RBFOX1: variants seen among roughly 807,000 people sequenced by gnomAD.
RBFOX1 encodes the protein RNA binding fox-1 homolog 1.
A neutral mutation model predicts 57.7 loss-of-function variants in RBFOX1; 8 were observed. The observed-to-expected ratio is 0.14, with a 90% confidence interval of 0.08 to 0.25. RBFOX1 has a LOEUF of 0.25. Ranked by LOEUF, RBFOX1 falls within the 10% of genes least tolerant of loss-of-function variation. RBFOX1 has a pLI of 1.00. For synonymous variants in RBFOX1, 326 were observed against 222.4 expected, an observed-to-expected ratio of 1.47 and a Z score of -4.15; for missense variants, 611 against 548.5, an observed-to-expected ratio of 1.11 and a Z score of -1.14.
chr16:5,580,775 A>T (rs1487281503), intron 2 of RBFOX1, among the ~76,000 whole-genome samples: 2 of 152,178 alleles, frequency 1.3e-5, no homozygotes, highest in Non-Finnish European at 2.9e-5. Flanking sequence ...AACTGGTGGG[A>T]TTCCAGCGAA....
chr16:7,059,866 T>C (rs1446453307), intron 4 of RBFOX1, among the ~76,000 whole-genome samples: 1 of 152,154 alleles, frequency 6.6e-6, no homozygotes, highest in African/African-American at 2.4e-5. Context: ...TTATGTAAAC[T>C]GATGAAAAAT....
At chr16:7,505,763 A>G (rs546742241) in intron 4 of RBFOX1, among the ~76,000 whole-genome samples, 2 of 152,174 alleles carry the variant, frequency 1.3e-5, no homozygotes, top group African/African-American at 4.8e-5. Flanking sequence ...GTGCTTCCCT[A>G]CTGAGCCGGA....
intron 2 of RBFOX1, among the ~76,000 whole-genome samples, chr16:6,576,276 A>G (rs1337809060): frequency 2.0e-5 from 3 of 152,164 alleles, no homozygotes; most frequent in African/African-American, 7.2e-5. Flanking sequence ...GTGCTGACAC[A>G]CACACTCACT....
chr16:6,335,797 AAAAAGAAAAG>A (rs1241118584), intron 2 of RBFOX1, among the ~76,000 whole-genome samples: 27 of 149,746 alleles, frequency 1.8e-4, no homozygotes, highest in Non-Finnish European at 3.5e-4. Context: ...AAAAGAAAAA[AAAAAGAAAAG>A]AAAAGAAAAG....
At chr16:6,050,384 C>G (rs576229371) in intron 1 of RBFOX1, among the ~76,000 whole-genome samples, 104 of 152,318 alleles carry the variant, frequency 6.8e-4, no homozygotes, top group African/African-American at 2.3e-3. Flanking sequence ...GTATTTCTCA[C>G]AGTCTGGTGT....
At chr16:6,927,722 A>G (rs1050861518) in intron 3 of RBFOX1, among the ~76,000 whole-genome samples, 1 of 151,680 alleles carries the variant, frequency 6.6e-6, no homozygotes, top group Admixed American at 6.6e-5. Flanking sequence ...AAGGCTGATT[A>G]TAAGTCAGTG....
chr16:5,792,549 TATC>T (rs1243795951), intron 3 of RBFOX1, among the ~76,000 whole-genome samples: 94 of 152,326 alleles, frequency 6.2e-4, no homozygotes, highest in African/African-American at 2.2e-3. Context: ...GCATTAAGAA[TATC>T]ATAAATATGG....
chr16:6,309,827 C>A (rs2080018510), intron 1 of RBFOX1, among the ~76,000 whole-genome samples: 1 of 152,166 alleles, frequency 6.6e-6, no homozygotes, highest in African/African-American at 2.4e-5. Context: ...AGCAGAAACA[C>A]TAATTGCATT....
At chr16:5,695,233 T>C (rs935179160) in intron 3 of RBFOX1, among the ~76,000 whole-genome samples, 9 of 152,178 alleles carry the variant, frequency 5.9e-5, no homozygotes, top group African/African-American at 2.2e-4. Context: ...ATATTGAAAT[T>C]TTCAAACATT....
chr16:6,860,429 A>G (rs1001104678), intron 3 of RBFOX1, among the ~76,000 whole-genome samples: 1 of 152,212 alleles, frequency 6.6e-6, no homozygotes, highest in African/African-American at 2.4e-5. Context: ...ACGTTGGCTA[A>G]GACGCGGGGG....
intron 3 of RBFOX1, among the ~76,000 whole-genome samples, chr16:5,780,636 G>C (rs555579383): frequency 1.3e-5 from 2 of 152,106 alleles, no homozygotes; most frequent in South Asian, 4.2e-4. Context: ...ACTTTTCATA[G>C]GCAAAGTAGG....
rs115244182 is a variant in RBFOX1, at chr16:6,906,362, C to G, written c.-15-145695C>G. 7.0e-3 allele frequency among the ~76,000 whole-genome samples: 1,060 copies of G among 151,816 alleles called. 14 individuals carry two copies. Among genetic ancestry groups the G allele is most frequent in the African/African-American group, 0.024 (1,005 of 41,356 alleles). On this transcript the variant is annotated intron_variant, in intron 3 of 15. Transcript: ENST00000550418. ...CACTACCTAATGATTGTTGAAAACT[C>G]GGTAATAACACCGAAACTCATAAAA...
rs560649992 is a variant in RBFOX1, at chr16:5,946,096, C to T, written c.351+78761C>T. 1.6e-4 allele frequency among the ~76,000 whole-genome samples: 25 copies of T among 152,256 alleles called. No individual in the cohort carries two copies. Among genetic ancestry groups the T allele is most frequent in the East Asian group, 1.5e-3 (8 of 5,186 alleles). On this transcript the variant is annotated intron_variant, in intron 4 of 19. Coordinates refer to the RBFOX1 transcript ENST00000641259. This position sits in a 1 kb window ranked among gnomAD's most constrained non-coding sequence, Gnocchi z 4.6. ...GTTTTAATTAGTGGACTGACTTACC[C>T]GCTATTCTTGTCTTTTTAAAAAAGA...
rs1365732708 is a variant in RBFOX1 at position 6,542,998 on chromosome 16, C to A, written c.-63-111605C>A. Reference sequence around the variant, plus strand: ...CTGGATGCCCTACTCTTTATCATTCCTCCTCCTCTCACTCTCCCTCCCCAG... The same window carrying A: ...CTGGATGCCCTACTCTTTATCATTCATCCTCCTCTCACTCTCCCTCCCCAG... On this transcript the variant is annotated intron_variant, in intron 2 of 15. Coordinates refer to ENST00000550418, the MANE Select transcript of RBFOX1 (RefSeq NM_018723.4). Among the ~76,000 whole-genome samples the A allele has an allele frequency of 3.9e-5, 6 of 152,130 alleles. No individual in the cohort carries two copies. In the East Asian group the frequency reaches 1.2e-3, roughly 29 times the overall value.
intron 2 of RBFOX1, among the ~76,000 whole-genome samples, chr16:6,333,417 T>C (rs1195727188): frequency 2.0e-5 from 3 of 152,202 alleles, no homozygotes; most frequent in Non-Finnish European, 2.9e-5. Context: ...GATAGTTCTG[T>C]TGTTTTAGTC....
chr16:7,488,356 C>A (rs8054543), intron 4 of RBFOX1, among the ~76,000 whole-genome samples: 2 of 152,086 alleles, frequency 1.3e-5, no homozygotes, highest in Non-Finnish European at 2.9e-5. Flanking sequence ...TGGATAGATA[C>A]ACATTTAGAT....
chr16:5,549,774 A>T (rs1457546978), intron 2 of RBFOX1, among the ~76,000 whole-genome samples: 1 of 152,176 alleles, frequency 6.6e-6, no homozygotes, highest in Non-Finnish European at 1.5e-5. Flanking sequence ...CCTGGAAAAG[A>T]CCTGAAGTTT....
At chr16:5,608,774 C>G (rs4786733) in intron 3 of RBFOX1, among the ~76,000 whole-genome samples, 8,972 of 152,276 alleles carry the variant, frequency 0.059, 306 homozygotes, top group African/African-American at 0.085. Flanking sequence ...CTGAAGGTAG[C>G]TGGCTTTCCT....
intron 4 of RBFOX1, among the ~76,000 whole-genome samples, chr16:7,053,200 G>A (rs777598387): frequency 1.3e-5 from 2 of 152,142 alleles, no homozygotes; most frequent in Non-Finnish European, 2.9e-5. Flanking sequence ...ATAAACAACA[G>A]AATCCAGGTG....
Sources: allele counts gnomAD v4.1 joint callset (sites outside exome capture counted in the v4.1 genomes callset), GRCh38; gene constraint gnomAD v4.1.1; non-coding constraint Gnocchi (gnomAD v3.1); transcripts MANE v1.5; gene names NCBI Gene and HGNC (gene_info 2026-07-23, HGNC 2026-07-21).